ROR1: variants seen among roughly 807,000 people sequenced by gnomAD.
ROR1 encodes ROR family WNT receptor 1.
In ROR1, 19 loss-of-function variants were observed where a neutral mutation model predicts 78.8. The observed-to-expected ratio is 0.24, with a 90% CI of 0.17 to 0.35. The LOEUF (loss-of-function observed/expected upper bound fraction) is 0.35, where lower values mean the gene tolerates loss of function less well. ROR1 is among the 10% of genes least tolerant of loss of function. The pLI is 1.00. For missense variants in ROR1, 917 were observed against 1,177.8 expected, an observed-to-expected ratio of 0.78 and a Z score of 3.24; for synonymous variants, 386 against 433.6, an observed-to-expected ratio of 0.89 and a Z score of 1.36.
chr1:63,885,473 G>C (rs567428744), intron 1 of ROR1, among the ~76,000 whole-genome samples: 1 of 152,238 alleles, frequency 6.6e-6, no homozygotes, highest in South Asian at 2.1e-4. Context: ...TGGGGCTTTG[G>C]GGGATCAGTG....
chr1:63,915,956 G>A lies in ROR1; in HGVS notation c.92-93349G>A, dbSNP rs546948484. Among the ~76,000 whole-genome samples the A allele has an allele frequency of 2.0e-5, 3 of 152,048 alleles. No individual in the cohort carries two copies. The East Asian group carries it at 5.8e-4, about 29-fold the overall frequency. ...AAGTATACATGTAAACTTTCCCCTG[G>A]GCCACTGCAGTGTCCCTCTGGGAAA... On this transcript the variant is annotated intron_variant, in intron 1 of 8. Coordinates refer to ENST00000371079, the MANE Select transcript of ROR1 (RefSeq NM_005012.4).
At chr1:64,039,771 G>C (rs1005044591) in intron 2 of ROR1, among the ~76,000 whole-genome samples, 2 of 152,144 alleles carry the variant, frequency 1.3e-5, no homozygotes, top group African/African-American at 2.4e-5. Flanking sequence ...ATGTATTTCA[G>C]GCTTGGCTTT....
intron 8 of ROR1, chr1:64,171,326 T>C (rs1650234291): frequency 6.5e-6 from 1 of 153,362 alleles, no homozygotes; most frequent in African/African-American, 2.4e-5. Context: ...CTCCCCCTTA[T>C]AGAACCATCA....
rs552012854 is a variant in ROR1, at chr1:64,008,650, T to C, written c.92-655T>C. On this transcript the variant is annotated intron_variant, in intron 1 of 8. Coordinates refer to ENST00000371079, the MANE Select transcript of ROR1 (RefSeq NM_005012.4). ...TTATTTTTTGACTTTTTTTGTTTTTTTTGAGATGGAGTCTCGCTATGTCAG... is the reference window on the plus strand; with the variant it reads ...TTATTTTTTGACTTTTTTTGTTTTTCTTGAGATGGAGTCTCGCTATGTCAG... 1.3e-4 allele frequency among the ~76,000 whole-genome samples: 20 copies of C among 152,266 alleles called. No homozygotes were observed. In the South Asian group the frequency reaches 4.2e-3, roughly 32 times the overall value.
At chr1:64,107,887 G>A (rs1647889957) in intron 4 of ROR1, among the ~76,000 whole-genome samples, 1 of 152,094 alleles carries the variant, frequency 6.6e-6, no homozygotes, top group Admixed American at 6.6e-5. Context: ...TCTGTGTTCT[G>A]AGGGAGCCAG....
At chr1:64,070,511 G>A (rs942223719) in intron 4 of ROR1, among the ~76,000 whole-genome samples, 1 of 151,974 alleles carries the variant, frequency 6.6e-6, no homozygotes, top group Non-Finnish European at 1.5e-5. Flanking sequence ...ATAGAGATGG[G>A]ATCCCACCAT....
chr1:63,922,327 G>C (rs898020327), intron 1 of ROR1, among the ~76,000 whole-genome samples: 2 of 152,182 alleles, frequency 1.3e-5, no homozygotes, highest in African/African-American at 2.4e-5. Context: ...AGGCTCACTT[G>C]CCTGGGGTTT....
intron 8 of ROR1, among the ~76,000 whole-genome samples, chr1:64,159,824 A>G (rs560003982): frequency 5.4e-4 from 82 of 152,300 alleles, no homozygotes; most frequent in Non-Finnish European, 1.0e-3. Context: ...ACTTTGAGCT[A>G]AATCAACCCC....
At chr1:64,170,607 C>A (rs544045116) in intron 8 of ROR1, among the ~76,000 whole-genome samples, 6 of 152,330 alleles carry the variant, frequency 3.9e-5, no homozygotes, top group Admixed American at 3.9e-4. Context: ...ATGCAAATTT[C>A]TGCAGCCAGC....
intron 1 of ROR1, among the ~76,000 whole-genome samples, chr1:63,824,626 A>G (rs1356199155): frequency 6.6e-6 from 1 of 152,210 alleles, no homozygotes; most frequent in African/African-American, 2.4e-5. Flanking sequence ...GATGATTCAT[A>G]AATGAATAAT....
At chr1:64,134,233 A>T (rs12135373) in intron 4 of ROR1, among the ~76,000 whole-genome samples, 34,793 of 152,150 alleles carry the variant, frequency 0.23, 4,510 homozygotes, top group African/African-American at 0.35. Flanking sequence ...TTGTTGGGAT[A>T]AAATGACTTA....
At chr1:64,133,110 C>T (rs1458752547) in intron 4 of ROR1, among the ~76,000 whole-genome samples, 5 of 152,088 alleles carry the variant, frequency 3.3e-5, no homozygotes, top group Admixed American at 2.6e-4. Flanking sequence ...TAGTGAGTGA[C>T]TAACTTTCCA....
At chr1:63,925,171 A>T (rs1417534795) in intron 1 of ROR1, among the ~76,000 whole-genome samples, 2 of 53,248 alleles carry the variant, frequency 3.8e-5, no homozygotes, top group Admixed American at 2.0e-4. Flanking sequence ...CCTTCCCCCC[A>T]CCCCACAACA....
chr1:63,830,412 G>A (rs1644980487), intron 1 of ROR1, among the ~76,000 whole-genome samples: 1 of 152,122 alleles, frequency 6.6e-6, no homozygotes, highest in Non-Finnish European at 1.5e-5. Context: ...GGGGGTCTCA[G>A]GAAACTTAAA....
At chr1:63,789,527 T>C (rs1270627544) in intron 1 of ROR1, among the ~76,000 whole-genome samples, 1 of 151,968 alleles carries the variant, frequency 6.6e-6, no homozygotes, top group Non-Finnish European at 1.5e-5. Flanking sequence ...ACTTATGGTA[T>C]CTAGAAGGAA....
intron 8 of ROR1, among the ~76,000 whole-genome samples, chr1:64,162,710 C>T (rs552001247): frequency 3.3e-5 from 5 of 152,328 alleles, no homozygotes; most frequent in East Asian, 1.9e-4. Flanking sequence ...AATCCTCTAA[C>T]GAGTACTGTA....
intron 4 of ROR1, among the ~76,000 whole-genome samples, chr1:64,102,014 C>T (rs1379906640): frequency 1.3e-5 from 2 of 152,166 alleles, no homozygotes; most frequent in Non-Finnish European, 1.5e-5. Context: ...ACATTAAGAG[C>T]TGGTCCCCAT....
At chr1:63,846,117 A>G (rs1645078853) in intron 1 of ROR1, among the ~76,000 whole-genome samples, 1 of 91,526 alleles carries the variant, frequency 1.1e-5, no homozygotes. Context: ...AGAGAGAGAG[A>G]ATGTGTGTGT....
chr1:64,082,413 A>G lies in ROR1; in HGVS notation c.482+31697A>G, dbSNP rs185716724. On this transcript the variant is annotated intron_variant, in intron 4 of 8. Transcript: ENST00000371079. Reference sequence around the variant, plus strand: ...ACCTCTCTAGTTTGGAATATGGAAGAATGCTGATATCAAGGAAAGCAATGG... The same window carrying G: ...ACCTCTCTAGTTTGGAATATGGAAGGATGCTGATATCAAGGAAAGCAATGG... Among the ~76,000 whole-genome samples, 308 of 152,370 alleles carry G rather than the reference A, an allele frequency of 2.0e-3. 2 individuals carry two copies. Among genetic ancestry groups the G allele is most frequent in the African/African-American group, 7.2e-3 (300 of 41,590 alleles).
Sources: allele counts gnomAD v4.1 joint callset (sites outside exome capture counted in the v4.1 genomes callset), GRCh38; gene constraint gnomAD v4.1.1; transcripts MANE v1.5; gene names NCBI Gene and HGNC (gene_info 2026-07-23, HGNC 2026-07-21).